Variants in WRNIP1 observed in about 807,000 individuals in gnomAD.
The protein encoded by WRNIP1 is WRN helicase interacting protein 1.
A neutral mutation model predicts 56.1 loss-of-function variants in WRNIP1; 41 were observed. That is an observed-to-expected ratio of 0.73 (90% confidence interval 0.57 to 0.95). The LOEUF (loss-of-function observed/expected upper bound fraction) is 0.95. Ranked by LOEUF, WRNIP1 falls within the 40% of genes least tolerant of loss-of-function variation. The pLI, the probability that WRNIP1 is intolerant of heterozygous loss-of-function variation, is 0.00. For synonymous variants in WRNIP1, 547 were observed against 398.1 expected (o/e 1.37, Z -4.45); for missense variants, 1,170 against 939.4 (o/e 1.25, Z -3.21).
At chr6:2,784,852 C>T (rs1377728983) in intron 6 of WRNIP1, among the ~76,000 whole-genome samples, 155 bp from the exon 7 acceptor site, 4 of 152,010 alleles carry the variant, frequency 2.6e-5, no homozygotes, top group South Asian at 2.1e-4. Context: ...TTCTGTCTGT[C>T]GTAGGTGGTT....
In WRNIP1 at chr6:2,765,494, C is replaced by T. The variant is rs1349994465; in HGVS notation, c.-129C>T. The T allele has an allele frequency of 2.5e-6, 3 of 1,192,254 alleles. No homozygotes were observed. Among genetic ancestry groups the T allele is most frequent in the Non-Finnish European group, 3.2e-6 (3 of 945,286 alleles). 73.9% of individuals were successfully genotyped at this position (1,192,254 alleles called of 1,614,324 possible). The stretch of plus-strand genomic sequence containing the variant: ...GGCATGAGCGGCGCCCTCCTCCGGC[C>T]CGCGAGCGTCCTGCTGGTTCCCCGA... On this transcript the variant is annotated 5_prime_UTR_variant, in exon 1 of 7. Coordinates refer to ENST00000380773, the MANE Select transcript of WRNIP1 (RefSeq NM_020135.3).
At chr6:2,769,611 C>T (rs779145508) in intron 2 of WRNIP1, among the ~76,000 whole-genome samples, 3 of 152,112 alleles carry the variant, frequency 2.0e-5, no homozygotes, top group Middle Eastern at 3.4e-3. Context: ...TCTGACGAGG[C>T]GTTAGCATTC....
chr6:2,783,653 T>TTTTTTCTGG, intron 5 of WRNIP1, 92 bp downstream of exon 5: 1 of 119,820 alleles, frequency 8.3e-6, no homozygotes, highest in Non-Finnish European at 1.1e-5. Flanking sequence ...TTTTTTTTTT[T>TTTTTTCTGG]GCAGGGCGGG....
intron 6 of WRNIP1, among the ~76,000 whole-genome samples, 189 bp from the exon 7 acceptor site, chr6:2,784,818 C>T (rs1052237713): frequency 6.6e-6 from 1 of 152,110 alleles, no homozygotes; most frequent in Non-Finnish European, 1.5e-5. Flanking sequence ...TGGTTTGCCT[C>T]TCGTTTCACC....
At chr6:2,773,756 T>G in intron 3 of WRNIP1, 2 of 933,962 alleles carry the variant, frequency 2.1e-6, no homozygotes, top group Non-Finnish European at 2.5e-6. Flanking sequence ...ATATACATAG[T>G]CAAAAACACT....
chr6:2,770,518 G>A (rs1414154270), intron 3 of WRNIP1, among the ~76,000 whole-genome samples, 157 bp downstream of exon 3: 1 of 152,196 alleles, frequency 6.6e-6, no homozygotes, highest in Non-Finnish European at 1.5e-5. Flanking sequence ...GGAAATGTTC[G>A]ATTATACCTA....
At chr6:2,777,243 A>G (rs983049014) in intron 3 of WRNIP1, among the ~76,000 whole-genome samples, 2 of 152,216 alleles carry the variant, frequency 1.3e-5, no homozygotes, top group African/African-American at 4.8e-5. Context: ...TAGTCCATTC[A>G]TTTTGCAAAT....
At chr6:2,778,493 G>C (rs1765482652) in intron 3 of WRNIP1, among the ~76,000 whole-genome samples, 1 of 152,174 alleles carries the variant, frequency 6.6e-6, no homozygotes, top group African/African-American at 2.4e-5. Context: ...TTAGAAATGT[G>C]ACTGTAAGTT....
At position 2,784,335 on chromosome 6, in the gene WRNIP1, C is replaced by G; in HGVS notation, c.1654C>G (p.Pro552Ala). The G allele has an allele frequency of 6.2e-7, 1 of 1,613,526 alleles. No individual in the cohort carries two copies. Among genetic ancestry groups the G allele is most frequent in the African/African-American group, 1.3e-5 (1 of 75,044 alleles). The change falls in exon 6 of 7, where the codon CCG becomes GCG. Residue 552 changes from proline to alanine, a missense_variant. Transcript: ENST00000380773. ...FASEDIGLAD[P>A]SALTQAVAAY... ...TCTGTGTGTGGCAGGTCTGGCAGACCCGTCTGCGTTAACACAAGCGGTTGC... is the reference window on the plus strand; with the variant it reads ...TCTGTGTGTGGCAGGTCTGGCAGACGCGTCTGCGTTAACACAAGCGGTTGC...
intron 3 of WRNIP1, among the ~76,000 whole-genome samples, chr6:2,776,972 A>G (rs1485154750): frequency 2.6e-5 from 4 of 152,222 alleles, no homozygotes; most frequent in South Asian, 2.1e-4. Flanking sequence ...TTTTCAAACA[A>G]TTATTTAATG....
rs189515529 is a variant in WRNIP1 at position 2,783,967 on chromosome 6, A to G, written c.1643-357A>G. On this transcript the variant is annotated intron_variant, in intron 5 of 6. Transcript: ENST00000380773. The stretch of plus-strand genomic sequence containing the variant: ...TAGACACTATATGAAGAAAAAGATC[A>G]GGAAAGCTCTCCTCTTCTTTGGTCT... Among the ~76,000 whole-genome samples, 203 of 152,318 alleles carry G rather than the reference A, an allele frequency of 1.3e-3. 1 individual carries two copies. The highest frequency in any genetic ancestry group is 4.6e-3 in the African/African-American group (191 of 41,564).
intron 5 of WRNIP1, among the ~76,000 whole-genome samples, chr6:2,784,045 T>C (rs1416592453): frequency 6.6e-6 from 1 of 152,232 alleles, no homozygotes; most frequent in East Asian, 1.9e-4. Context: ...CTCCATAGCC[T>C]TCACTTCTTA....
Position 2,766,213 on chromosome 6 carries a change from C to T in WRNIP1, c.591C>T (p.Ala197=), listed in dbSNP as rs1764969740. ...GGGACGCGGACGCTGCCGAAGCCGC[C>T]ACCGCCTTCGGGGCCAGTGGCGGGG... ...GHWDADAAEA[A]TAFGASGGGR... The change falls in exon 1 of 7, where the codon GCC becomes GCT. Residue 197 remains alanine (A), a synonymous_variant. Coordinates refer to ENST00000380773, the MANE Select transcript of WRNIP1 (RefSeq NM_020135.3). 2.0e-6 allele frequency: 3 copies of T among 1,469,280 alleles called. No individual in the cohort carries two copies. In the African/African-American group the frequency reaches 4.4e-5, roughly 21 times the overall value. The allele number at this position is 1,469,280 out of a possible 1,614,324, so 91.0% of individuals were successfully genotyped here. A position where few individuals can be genotyped will look rare whatever the true frequency, so the allele number is the denominator to read the frequency against.
At chr6:2,771,575 A>G (rs1463106281) in intron 3 of WRNIP1, among the ~76,000 whole-genome samples, 2 of 152,344 alleles carry the variant, frequency 1.3e-5, no homozygotes, top group East Asian at 3.9e-4. Context: ...CTGAAATCCA[A>G]AATGCTCCCA....
intron 4 of WRNIP1, among the ~76,000 whole-genome samples, chr6:2,780,576 C>G (rs1385519032): frequency 6.6e-6 from 1 of 152,204 alleles, no homozygotes; most frequent in Non-Finnish European, 1.5e-5. Flanking sequence ...GCTCAGATGG[C>G]TGGCTCTCCC....
Position 2,765,917 on chromosome 6 carries a change from G to A in WRNIP1, c.295G>A (p.Gly99Ser), listed in dbSNP as rs1324449594. The A allele has an allele frequency of 4.8e-6, 7 of 1,453,990 alleles. No individual in the cohort carries two copies. Among genetic ancestry groups the A allele is most frequent in the Admixed American group, 2.3e-5 (1 of 42,648 alleles). The allele number at this position is 1,453,990 out of a possible 1,614,324, so 90.1% of individuals were successfully genotyped here. ...GAGCAGCGAGGGCGAGGGTGAGGAG[G>A]GCGACGACGGCGGCGAGACCGAGAG... ...AESSEGEGEEGDDGGETESRE... is the reference protein window; with the variant it reads ...AESSEGEGEESDDGGETESRE... The change falls in exon 1 of 7, where the codon GGC becomes AGC. Residue 99 changes from glycine to serine, a missense_variant. Transcript: ENST00000380773.
intron 5 of WRNIP1, 31 bp downstream of exon 5, chr6:2,783,592 A>C: frequency 8.7e-7 from 1 of 1,145,758 alleles, no homozygotes; most frequent in Non-Finnish European, 1.2e-6. Flanking sequence ...CCGGAGTCCT[A>C]TGTCCATGAG....
intron 6 of WRNIP1, among the ~76,000 whole-genome samples, chr6:2,784,675 T>C (rs2113488104): frequency 6.6e-6 from 1 of 152,264 alleles, no homozygotes; most frequent in South Asian, 2.1e-4. Context: ...TTAAAGGAGC[T>C]GAACAGCAAA....
intron 3 of WRNIP1, among the ~76,000 whole-genome samples, chr6:2,771,943 G>T (rs1289897416): frequency 6.6e-6 from 1 of 152,096 alleles, no homozygotes; most frequent in Non-Finnish European, 1.5e-5. Context: ...TACTTGTCTG[G>T]GGTGATTTTT....
Sources: gnomAD v4.1 joint callset for allele counts (sites outside exome capture counted in the v4.1 genomes callset) on GRCh38, gnomAD v4.1.1 for gene constraint, MANE v1.5 for transcripts, NCBI Gene and HGNC (gene_info 2026-07-23, HGNC 2026-07-21) for gene names.